UBAP2: variants seen among roughly 807,000 people sequenced by gnomAD.
UBAP2 encodes the protein ubiquitin associated protein 2, also known as ubiquitin-associated protein 2.
Under a neutral mutation model 139.6 loss-of-function variants are expected in UBAP2, and 75 were observed. The ratio of observed to expected loss-of-function variants is 0.54; its 90% CI spans 0.45 to 0.65. The LOEUF (loss-of-function observed/expected upper bound fraction) is 0.65, where lower values mean the gene tolerates loss of function less well. Ranked by LOEUF, UBAP2 falls within the 30% of genes least tolerant of loss-of-function variation. UBAP2 has a pLI of 0.00. For missense variants in UBAP2, 1,368 were observed against 1,369.6 expected (o/e 1.00, Z 0.02); for synonymous variants, 526 against 526.2 (o/e 1.00, Z 0.01).
intron 8 of UBAP2, chr9:33,968,514 C>T (rs1827649203): frequency 1.3e-5 from 6 of 478,316 alleles, no homozygotes; most frequent in Middle Eastern, 7.1e-4. Flanking sequence ...TACAAAGTCT[C>T]CATGTTGGTG....
At position 33,941,759 on chromosome 9, in the gene UBAP2, A is replaced by T. The variant is rs1313165227; in HGVS notation, c.1819T>A (p.Ser607Thr). Residue 607 changes from serine to threonine, a missense_variant, in exon 16 of 29, where the codon TCT becomes ACT. By Grantham distance (58) the Ser-to-Thr change is moderately conservative. Coordinates refer to ENST00000379238, the MANE Select transcript of UBAP2 (RefSeq NM_001370062.2). ...SCSLTSSSLNSASPVAMSSSY... is the reference protein window; with the variant it reads ...SCSLTSSSLNTASPVAMSSSY... ...GAAGACATTGCTACTGGACTAGCAG[A>T]ATTCAGTGATGAGCTTGTCAGACTG... 2 of 1,614,046 alleles carry T rather than the reference A, an allele frequency of 1.2e-6. No homozygotes were observed. Among genetic ancestry groups the T allele is most frequent in the Non-Finnish European group, 1.7e-6 (2 of 1,180,000 alleles).
intron 1 of UBAP2, among the ~76,000 whole-genome samples, chr9:34,023,322 G>C (rs1825125352): frequency 6.6e-6 from 1 of 151,916 alleles, no homozygotes; most frequent in African/African-American, 2.4e-5. Flanking sequence ...ATGTACAGAA[G>C]AAATATACTT....
chr9:34,033,159 C>G (rs186051357), intron 1 of UBAP2, among the ~76,000 whole-genome samples: 4 of 152,280 alleles, frequency 2.6e-5, no homozygotes, highest in African/African-American at 9.6e-5. Flanking sequence ...GAAGAAATAT[C>G]TGCATTCCTG....
chr9:34,046,605 C>G lies in UBAP2; in HGVS notation c.-42+2220G>C, dbSNP rs143581752. ...CTTGCAGTGAGCCGAGATCAGGCCA[C>G]TGCACTCCAGCCTGGGCGACAGAAC... is the stretch of plus-strand genomic sequence containing the variant. On this transcript the variant is annotated intron_variant, in intron 1 of 28. Coordinates refer to ENST00000379238, the MANE Select transcript of UBAP2 (RefSeq NM_001370062.2). Among the ~76,000 whole-genome samples the G allele has an allele frequency of 5.9e-3, 839 of 142,742 alleles. 5 individuals carry two copies. The highest frequency in any genetic ancestry group is 0.021 in the African/African-American group (793 of 38,220). 93.6% of individuals were successfully genotyped at this position (142,742 alleles called of 152,430 possible).
At chr9:33,995,395 A>AAT (rs901701283) in intron 4 of UBAP2, 2 of 137,430 alleles carry the variant, frequency 1.5e-5, no homozygotes, top group South Asian at 2.2e-4. Flanking sequence ...ATTAAATATA[A>AAT]ATATATATAT....
intron 9 of UBAP2, among the ~76,000 whole-genome samples, chr9:33,961,949 G>A (rs1311216615): frequency 1.3e-5 from 2 of 152,224 alleles, no homozygotes; most frequent in Non-Finnish European, 2.9e-5. Context: ...GTGGCTCTCT[G>A]TGAAATGTGA....
At chr9:33,980,220 C>CTTTCTTTTTTTTTTTTTTTT (rs1820522954) in intron 6 of UBAP2, among the ~76,000 whole-genome samples, 1 of 49,086 alleles carries the variant, frequency 2.0e-5, no homozygotes, top group Non-Finnish European at 3.6e-5. Flanking sequence ...AGTGTCATTT[C>CTTTCTTTTTTTTTTTTTTTT]TTTTTTTTTT....
rs553552251 is a variant in UBAP2 at position 33,975,614 on chromosome 9, C to T, written c.521-2377G>A. Among the ~76,000 whole-genome samples the T allele has an allele frequency of 8.0e-5, 12 of 150,144 alleles. No homozygotes were observed. The South Asian group carries it at 1.1e-3, about 13-fold the overall frequency. ...GAGATCGAGACCATCCTGGCTAACA[C>T]GGTGAAACCTCATCTCTACTAAAAA... is the stretch of plus-strand genomic sequence containing the variant. On this transcript the variant is annotated intron_variant, in intron 6 of 28. Coordinates refer to ENST00000379238, the MANE Select transcript of UBAP2 (RefSeq NM_001370062.2).
intron 4 of UBAP2, among the ~76,000 whole-genome samples, chr9:33,993,253 C>A (rs1191489021): frequency 6.6e-6 from 1 of 152,174 alleles, no homozygotes; most frequent in Non-Finnish European, 1.5e-5. Flanking sequence ...GGAAAAGAAT[C>A]GTTTGCCTTC....
At chr9:34,031,910 G>C (rs1416004765) in intron 1 of UBAP2, among the ~76,000 whole-genome samples, 2 of 152,170 alleles carry the variant, frequency 1.3e-5, no homozygotes, top group Non-Finnish European at 2.9e-5. Flanking sequence ...GCCAAGGAGG[G>C]AGGACTTCTT....
At chr9:33,962,609 G>C (rs1236859176) in intron 9 of UBAP2, among the ~76,000 whole-genome samples, 1 of 151,256 alleles carries the variant, frequency 6.6e-6, no homozygotes, top group Non-Finnish European at 1.5e-5. Flanking sequence ...TCATGCCACT[G>C]CTCCAGCCTG....
In UBAP2 at chr9:33,989,031, C is replaced by T. The variant is rs188264819; in HGVS notation, c.384G>A (p.Ser128=). The T allele has an allele frequency of 9.9e-6, 16 of 1,613,744 alleles. No homozygotes were observed. The highest frequency in any genetic ancestry group is 8.0e-5 in the African/African-American group (6 of 74,868). ...GGTTGTTGTTTCCACGTCCACGACT[C>T]GATTCTTTCTCGCTTTTCTTCTCTC... ...ENREKKSEKE[S]SRGRGNNNRK... is the part of the protein sequence containing the mutation. Residue 128 remains serine (S), a synonymous_variant, in exon 5 of 29, where the codon TCG becomes TCA. Coordinates refer to ENST00000379238, the MANE Select transcript of UBAP2 (RefSeq NM_001370062.2).
At chr9:33,999,563 A>G (rs1052627945) in intron 2 of UBAP2, among the ~76,000 whole-genome samples, 4 of 152,012 alleles carry the variant, frequency 2.6e-5, no homozygotes, top group African/African-American at 4.8e-5. Flanking sequence ...TTTATACACA[A>G]TAATTTTGTT....
At chr9:34,030,869 G>A (rs1825830730) in intron 1 of UBAP2, among the ~76,000 whole-genome samples, 1 of 152,028 alleles carries the variant, frequency 6.6e-6, no homozygotes, top group South Asian at 2.1e-4. Context: ...GGCGGAGCTT[G>A]CAGTGAGCCA....
At chr9:33,923,718 TG>T in intron 24 of UBAP2, 76 bp downstream of exon 24, 1 of 1,469,398 alleles carries the variant, frequency 6.8e-7, no homozygotes, top group Non-Finnish European at 9.5e-7. Context: ...CCCTCCCTGC[TG>T]GAAGATAGGT....
rs528110968 is a variant in UBAP2 at position 34,037,120 on chromosome 9, C to T, written c.-42+11705G>A. ...TCTCCTGCCTCGGCCTCCGGATTAG[C>T]TGAGATTACAGAGGCGTGCCACCAT... On this transcript the variant is annotated intron_variant, in intron 1 of 28. Coordinates refer to ENST00000379238, the MANE Select transcript of UBAP2 (RefSeq NM_001370062.2). Among the ~76,000 whole-genome samples, 26 of 151,452 alleles carry T rather than the reference C, an allele frequency of 1.7e-4. No individual in the cohort carries two copies. In the East Asian group the frequency reaches 4.9e-3, roughly 28 times the overall value.
chr9:33,951,510 C>A (rs1386870802), intron 12 of UBAP2, among the ~76,000 whole-genome samples: 2 of 151,834 alleles, frequency 1.3e-5, no homozygotes, highest in Non-Finnish European at 2.9e-5. Flanking sequence ...CTACGCCTGG[C>A]TAATTTTTGT....
intron 2 of UBAP2, among the ~76,000 whole-genome samples, chr9:33,999,405 G>A (rs1822494200): frequency 1.3e-5 from 2 of 151,802 alleles, no homozygotes; most frequent in Non-Finnish European, 2.9e-5. Flanking sequence ...AAAATAAAAG[G>A]TAATGCAAAC....
chr9:34,009,084 C>T (rs1325120798), intron 2 of UBAP2, among the ~76,000 whole-genome samples: 1 of 149,438 alleles, frequency 6.7e-6, no homozygotes, highest in African/African-American at 2.5e-5. Context: ...TAATTTTTCC[C>T]TAAAAATTTG....
Sources: gnomAD v4.1 joint callset for allele counts (sites outside exome capture counted in the v4.1 genomes callset) on GRCh38, gnomAD v4.1.1 for gene constraint, MANE v1.5 for transcripts, NCBI Gene and HGNC (gene_info 2026-07-23, HGNC 2026-07-21) for gene names.